Variants in DTNA observed in about 807,000 individuals in gnomAD.
The protein encoded by DTNA is dystrobrevin alpha, also known as dystrophin-related protein 3.
Under a neutral mutation model 100.7 loss-of-function variants are expected in DTNA, and 43 were observed. The ratio of observed to expected loss-of-function variants is 0.43; its 90% CI spans 0.33 to 0.55. The LOEUF is 0.55. Ranked by LOEUF, DTNA falls within the 20% of genes least tolerant of loss-of-function variation. The pLI is 0.04. For missense variants in DTNA, 798 were observed against 953.9 expected, an observed-to-expected ratio of 0.84 and a Z score of 2.15; for synonymous variants, 349 against 347.9, an observed-to-expected ratio of 1.00 and a Z score of -0.04.
chr18:34,679,914 A>C (rs2077859392), intron 1 of DTNA, among the ~76,000 whole-genome samples: 1 of 152,164 alleles, frequency 6.6e-6, no homozygotes, highest in Non-Finnish European at 1.5e-5. Context: ...ATAATACTTC[A>C]TTCTATTCTA....
chr18:34,753,808 G>T (rs981920467), intron 1 of DTNA, among the ~76,000 whole-genome samples: 13 of 151,968 alleles, frequency 8.6e-5, no homozygotes, highest in Non-Finnish European at 1.3e-4. Context: ...AATAAAAATT[G>T]GAAGCTATAT....
chr18:34,721,291 C>T (rs1430158060), intron 1 of DTNA, among the ~76,000 whole-genome samples: 1 of 152,302 alleles, frequency 6.6e-6, no homozygotes, highest in African/African-American at 2.4e-5. Context: ...CTTACATTTA[C>T]TCAGATTGTT....
intron 2 of DTNA, 82 bp from the exon 3 acceptor site, chr18:34,765,879 C>A: frequency 7.4e-7 from 1 of 1,343,358 alleles, no homozygotes; most frequent in African/African-American, 1.4e-5. Context: ...AGGATCATAT[C>A]TACAGTTGTT....
intron 1 of DTNA, among the ~76,000 whole-genome samples, chr18:34,561,124 C>G (rs2046596507): frequency 6.6e-6 from 1 of 151,830 alleles, no homozygotes; most frequent in African/African-American, 2.4e-5. Flanking sequence ...GATAGCTTTA[C>G]CAGAAAAGAA....
intron 17 of DTNA, among the ~76,000 whole-genome samples, chr18:34,872,875 G>A (rs2096778925): frequency 6.6e-6 from 1 of 152,208 alleles, no homozygotes; most frequent in Admixed American, 6.5e-5. Context: ...AGTGCCCACA[G>A]TCCTTAGACT....
chr18:34,844,130 G>A (rs2096329128), intron 13 of DTNA, among the ~76,000 whole-genome samples: 1 of 152,092 alleles, frequency 6.6e-6, no homozygotes, highest in Admixed American at 6.6e-5. Context: ...AGGAAATGGA[G>A]GAGTCTGAGA....
At chr18:34,825,018 T>C (rs140733591) in intron 9 of DTNA, among the ~76,000 whole-genome samples, 7 of 151,176 alleles carry the variant, frequency 4.6e-5, no homozygotes, top group Admixed American at 1.3e-4. Flanking sequence ...CACACATACA[T>C]ACATTTGTAT....
intron 13 of DTNA, among the ~76,000 whole-genome samples, chr18:34,841,445 T>C (rs1293123415): frequency 1.3e-5 from 2 of 152,204 alleles, no homozygotes; most frequent in Non-Finnish European, 2.9e-5. Flanking sequence ...TGTAGTTCCT[T>C]GAGTTGTGAC....
intron 1 of DTNA, among the ~76,000 whole-genome samples, chr18:34,504,823 G>GT (rs1264258170): frequency 1.3e-5 from 2 of 152,126 alleles, no homozygotes; most frequent in African/African-American, 2.4e-5. Flanking sequence ...TCCTTGGAAG[G>GT]TTTTTTAGCA....
At chr18:34,672,386 T>A (rs890839684) in intron 1 of DTNA, among the ~76,000 whole-genome samples, 1 of 152,188 alleles carries the variant, frequency 6.6e-6, no homozygotes, top group African/African-American at 2.4e-5. Flanking sequence ...CAAAATGAGA[T>A]AATCACTCCC....
intron 1 of DTNA, among the ~76,000 whole-genome samples, chr18:34,688,772 G>A (rs1030300319): frequency 6.6e-6 from 1 of 152,060 alleles, no homozygotes; most frequent in Non-Finnish European, 1.5e-5. Flanking sequence ...ATCACTTTCA[G>A]GTACACCAAT....
At chr18:34,825,131 A>G in intron 9 of DTNA, 1 of 1,192,142 alleles carries the variant, frequency 8.4e-7, no homozygotes, top group Non-Finnish European at 1.2e-6. Context: ...GCTGCCAGTC[A>G]TGAATTAGTC....
At chr18:34,755,758 T>G in intron 1 of DTNA, 1 of 521,652 alleles carries the variant, frequency 1.9e-6, no homozygotes, top group East Asian at 3.4e-5. Context: ...CAATAAAAAT[T>G]TTATCCCCCC....
intron 13 of DTNA, among the ~76,000 whole-genome samples, chr18:34,840,294 C>T (rs1411239413): frequency 1.3e-5 from 2 of 152,126 alleles, no homozygotes; most frequent in African/African-American, 2.4e-5. Flanking sequence ...ACAACTCAGG[C>T]TCTCAAAACT....
intron 1 of DTNA, among the ~76,000 whole-genome samples, chr18:34,660,262 G>A (rs938555491): frequency 6.6e-6 from 1 of 151,956 alleles, no homozygotes; most frequent in Non-Finnish European, 1.5e-5. Context: ...CAGTTAACCT[G>A]GAAAACTAGT....
intron 1 of DTNA, chr18:34,679,361 A>T (rs2077786115): frequency 6.6e-6 from 1 of 152,232 alleles, no homozygotes; most frequent in African/African-American, 2.4e-5. Flanking sequence ...AAGGGGATTT[A>T]TAAAATAACG....
chr18:34,809,330 G>C (rs2095434612), intron 5 of DTNA, among the ~76,000 whole-genome samples: 1 of 152,122 alleles, frequency 6.6e-6, no homozygotes, highest in Admixed American at 6.5e-5. Context: ...GGTGGCACAT[G>C]CCTTTAGTCC....
At chr18:34,672,590 C>A (rs912429336) in intron 1 of DTNA, among the ~76,000 whole-genome samples, 1 of 152,092 alleles carries the variant, frequency 6.6e-6, no homozygotes, top group Non-Finnish European at 1.5e-5. Flanking sequence ...AATAAAGGAG[C>A]GTTCAGCCAC....
intron 1 of DTNA, among the ~76,000 whole-genome samples, chr18:34,638,465 C>G (rs1373511812): frequency 1.3e-5 from 2 of 152,208 alleles, no homozygotes; most frequent in East Asian, 1.9e-4. Flanking sequence ...CAGTCTAACT[C>G]CACCAACCAT....
Sources: gnomAD v4.1 joint callset for allele counts (sites outside exome capture counted in the v4.1 genomes callset) on GRCh38, gnomAD v4.1.1 for gene constraint, MANE v1.5 for transcripts, NCBI Gene and HGNC (gene_info 2026-07-23, HGNC 2026-07-21) for gene names.